SYNGR3: variants seen among roughly 807,000 people sequenced by gnomAD.
SYNGR3 encodes synaptogyrin-3.
Under a neutral mutation model 18.5 loss-of-function variants are expected in SYNGR3, and 10 were observed. That is an observed-to-expected ratio of 0.54 (90% CI 0.33 to 0.92). SYNGR3 has a LOEUF of 0.92. Among genes scored for constraint, SYNGR3 ranks in the 40% least tolerant of loss-of-function variants. The pLI is 0.02. For synonymous variants in SYNGR3, 188 were observed against 157.2 expected (o/e 1.20, Z -1.47); for missense variants, 335 against 332.8 (o/e 1.01, Z -0.05).
intron 1 of SYNGR3, 186 bp downstream of exon 1, chr16:1,990,387 A>C: frequency 3.8e-5 from 14 of 364,148 alleles, no homozygotes; most frequent in Middle Eastern, 6.0e-4. Flanking sequence ...GGGCGCGCCC[A>C]CCTGCGGGCG....
intron 2 of SYNGR3, 175 bp from the exon 3 acceptor site, chr16:1,992,461 C>G (rs1289741632): frequency 1.0e-6 from 1 of 969,382 alleles, no homozygotes; most frequent in African/African-American, 1.8e-5. Context: ...CGGAACGGGT[C>G]TGGCGCTCCC....
chr16:1,992,854 C>A lies in SYNGR3; in HGVS notation c.481-9C>A, dbSNP rs1187520188. ...TCCCGGCTGACCCCGCTGACCCCGC[C>A]CCGCGCAGGTGGCGCTCACCGTGAA... On this transcript the variant is annotated splice_polypyrimidine_tract_variant and intron_variant, in intron 3 of 3. Transcript: ENST00000248121. The A allele has an allele frequency of 1.3e-6, 2 of 1,547,484 alleles. No homozygotes were observed.
In SYNGR3 at chr16:1,992,034, G is replaced by C. The variant is rs766940293; in HGVS notation, c.160G>C (p.Gly54Arg). 3 of 1,583,616 alleles carry C rather than the reference G, an allele frequency of 1.9e-6. No individual in the cohort carries two copies. The highest frequency in any genetic ancestry group is 2.6e-6 in the Non-Finnish European group (3 of 1,166,902). Residue 54 changes from glycine (G) to arginine (R), a missense_variant, in exon 2 of 4, where the codon GGC becomes CGC. Transcript: ENST00000248121. ...VNEGYVNTDS[G>R]PELRCVFNGN... ...CGAGGGCTACGTGAACACCGACAGC[G>C]GCCCCGAGCTGCGCTGCGTGTTCAA...
Position 1,993,018 on chromosome 16 carries a change from CT to C in SYNGR3, c.638del (p.Phe213SerfsTer88). 1 of 1,612,146 alleles carries C rather than the reference CT, an allele frequency of 6.2e-7. No homozygotes were observed. Among genetic ancestry groups the C allele is most frequent in the Non-Finnish European group, 8.5e-7 (1 of 1,179,772 alleles). ...EGTETYQSPPFTETLDTSPKG... is the reference protein window; with the variant it reads ...EGTETYQSPPXTETLDTSPKG... ...GCACCGAGACCTACCAGAGCCCGCC[CT>C]TCACCGAGACCCTGGACACCAGCCC... is the stretch of plus-strand genomic sequence containing the variant. On this transcript the variant is annotated frameshift_variant, in exon 4 of 4. Coordinates refer to ENST00000248121, the MANE Select transcript of SYNGR3 (RefSeq NM_004209.6). LOFTEE classifies it high-confidence loss of function.
Position 1,992,724 on chromosome 16 carries a change from G to A in SYNGR3, c.426G>A (p.Ala142=). ...CGCCAGGGCCGGCCACGACGCAGGC[G>A]GGGGACGCGGCGCGGGCCGCCATCG... is the stretch of plus-strand genomic sequence containing the variant. ...RTAPGPATTQ[A]GDAARAAIAF... Residue 142 remains alanine (A), a synonymous_variant, in exon 3 of 4, where the codon GCG becomes GCA. Coordinates refer to ENST00000248121, the MANE Select transcript of SYNGR3 (RefSeq NM_004209.6). 6.3e-7 allele frequency: 1 copy of A among 1,591,966 alleles called. No homozygotes were observed. The highest frequency in any genetic ancestry group is 2.3e-5 in the East Asian group (1 of 43,610).
Position 1,994,134 on chromosome 16 carries a change from G to A in SYNGR3, c.*1062G>A, listed in dbSNP as rs2083619227. ...ATTGTAGCCTAGACCAATTCTGTGT[G>A]GATATTTAAGTGAACATGTTTACAA... On this transcript the variant is annotated 3_prime_UTR_variant, in exon 4 of 4. Transcript: ENST00000248121. 2 of 154,840 alleles carry A rather than the reference G, an allele frequency of 1.3e-5. No individual in the cohort carries two copies. The allele number at this position is 154,840 out of a possible 1,614,324, so 9.6% of individuals were successfully genotyped here.
At chr16:1,991,863 C>A (rs1024535429) in intron 1 of SYNGR3, 111 bp from the exon 2 acceptor site, 9 of 896,976 alleles carry the variant, frequency 1.0e-5, no homozygotes, top group East Asian at 3.0e-5. Flanking sequence ...CACCGCCCCC[C>A]ACCCAGATAC....
At position 1,993,212 on chromosome 16, in the gene SYNGR3, G is replaced by T. The variant is rs1429885638; in HGVS notation, c.*140G>T. The T allele has an allele frequency of 1.8e-6, 2 of 1,104,780 alleles. No homozygotes were observed. Among genetic ancestry groups the T allele is most frequent in the East Asian group, 2.6e-5 (1 of 38,650 alleles). 68.4% of individuals were successfully genotyped at this position (1,104,780 alleles called of 1,614,324 possible). A position where few individuals can be genotyped will look rare whatever the true frequency, so the allele number is the denominator to read the frequency against. On this transcript the variant is annotated 3_prime_UTR_variant, in exon 4 of 4. Coordinates refer to ENST00000248121, the MANE Select transcript of SYNGR3 (RefSeq NM_004209.6). Reference sequence around the variant, plus strand: ...GCTTTGCGCCATCCGGGGCCAAGAGGGGGTGGACCCGCGTGTCTGGGCTGC... The same window carrying T: ...GCTTTGCGCCATCCGGGGCCAAGAGTGGGTGGACCCGCGTGTCTGGGCTGC...
intron 1 of SYNGR3, chr16:1,991,682 T>C: frequency 7.2e-6 from 3 of 417,518 alleles, no homozygotes; most frequent in Non-Finnish European, 8.6e-6. Context: ...CCCGCATTTA[T>C]AAAGAGAATA....
At position 1,993,603 on chromosome 16, in the gene SYNGR3, C is replaced by T; in HGVS notation, c.*531C>T. ...TTCTCTCACAGGCTGCTAGAACAGC[C>T]CAGCCCTGTCAGTGTTGTGATCATG... On this transcript the variant is annotated 3_prime_UTR_variant, in exon 4 of 4. Coordinates refer to ENST00000248121, the MANE Select transcript of SYNGR3 (RefSeq NM_004209.6). 2 of 457,150 alleles carry T rather than the reference C, an allele frequency of 4.4e-6. No individual in the cohort carries two copies. Among genetic ancestry groups the T allele is most frequent in the South Asian group, 3.1e-5 (2 of 64,574 alleles). The allele number at this position is 457,150 out of a possible 1,614,324, so 28.3% of individuals were successfully genotyped here.
In SYNGR3 at chr16:1,993,442, G is replaced by C. The variant is rs781517053; in HGVS notation, c.*370G>C. ...AGGTGCAGGGGCTGCCCAGGACAAAGCGGGGGCAGGGGAAAGACACCACCC... is the reference window on the plus strand; with the variant it reads ...AGGTGCAGGGGCTGCCCAGGACAAACCGGGGGCAGGGGAAAGACACCACCC... On this transcript the variant is annotated 3_prime_UTR_variant, in exon 4 of 4. Coordinates refer to ENST00000248121, the MANE Select transcript of SYNGR3 (RefSeq NM_004209.6). The C allele has an allele frequency of 5.8e-6, 3 of 516,462 alleles. No individual in the cohort carries two copies. In the East Asian group the frequency reaches 1.5e-4, roughly 26 times the overall value. 32.0% of individuals were successfully genotyped at this position (516,462 alleles called of 1,614,324 possible).
At position 1,992,395 on chromosome 16, in the gene SYNGR3, G is replaced by T. The variant is rs1302666173; in HGVS notation, c.337+184G>T. 29 of 686,374 alleles carry T rather than the reference G, an allele frequency of 4.2e-5. 1 individual carries two copies. The East Asian group carries it at 9.6e-4, about 23-fold the overall frequency. The allele number at this position is 686,374 out of a possible 1,614,324, so 42.5% of individuals were successfully genotyped here. A position where few individuals can be genotyped will look rare whatever the true frequency, so the allele number is the denominator to read the frequency against. On this transcript the variant is annotated intron_variant, in intron 2 of 3. Coordinates refer to ENST00000248121, the MANE Select transcript of SYNGR3 (RefSeq NM_004209.6). ...GGGGAGGGGGCGGAGCCTGGACGGG[G>T]AGCGCCGCGGGACTTTCTAGGTAGG...
At position 1,992,056 on chromosome 16, in the gene SYNGR3, TCAACGGGAACG is replaced by T; in HGVS notation, c.184_194del (p.Asn62GlyfsTer242). Reference sequence around the variant, plus strand: ...AGCGGCCCCGAGCTGCGCTGCGTGTTCAACGGGAACGCGGGCGCCTGCCGCTTCGGCGTCGC... The same window carrying T: ...AGCGGCCCCGAGCTGCGCTGCGTGTTCGGGCGCCTGCCGCTTCGGCGTCGC... On this transcript the variant is annotated frameshift_variant, in exon 2 of 4. Transcript: ENST00000248121. LOFTEE classifies it high-confidence loss of function. The T allele has an allele frequency of 6.3e-7, 1 of 1,575,444 alleles. No homozygotes were observed. Among genetic ancestry groups the T allele is most frequent in the Non-Finnish European group, 8.6e-7 (1 of 1,162,516 alleles).
chr16:1,992,568 C>T, intron 2 of SYNGR3, 68 bp from the exon 3 acceptor site: 2 of 1,544,812 alleles, frequency 1.3e-6, no homozygotes, highest in African/African-American at 1.4e-5. Flanking sequence ...CCGACCTTTC[C>T]TCCTCCGGGC....
chr16:1,993,160 T>A lies in SYNGR3; in HGVS notation c.*88T>A, dbSNP rs2150899511. 1.4e-6 allele frequency: 2 copies of A among 1,473,906 alleles called. No individual in the cohort carries two copies. Among genetic ancestry groups the A allele is most frequent in the East Asian group, 5.0e-5 (2 of 40,398 alleles). 91.3% of individuals were successfully genotyped at this position (1,473,906 alleles called of 1,614,324 possible). A position where few individuals can be genotyped will look rare whatever the true frequency, so the allele number is the denominator to read the frequency against. ...GGGACCTCCCTTGGGTCCTTCCAGC[T>A]CAGTGCCGCGGACAGAGTAGGTGGC... On this transcript the variant is annotated 3_prime_UTR_variant, in exon 4 of 4. Transcript: ENST00000248121.
rs1161655695 is a variant in SYNGR3 at position 1,990,084 on chromosome 16, C to A, written c.-19C>A. On this transcript the variant is annotated 5_prime_UTR_variant, in exon 1 of 4. Transcript: ENST00000248121. ...GCGGACAGAAGGCGCCAGGGGCGCGCGTCCCGCCCGGGCCGGCCATGGAGG... is the reference window on the plus strand; with the variant it reads ...GCGGACAGAAGGCGCCAGGGGCGCGAGTCCCGCCCGGGCCGGCCATGGAGG... The A allele has an allele frequency of 9.5e-6, 11 of 1,162,382 alleles. No individual in the cohort carries two copies. In the South Asian group the frequency reaches 3.4e-4, roughly 36 times the overall value. 72.0% of individuals were successfully genotyped at this position (1,162,382 alleles called of 1,614,324 possible).
At position 1,994,263 on chromosome 16, in the gene SYNGR3, G is replaced by A. The variant is rs536949095; in HGVS notation, c.*1191G>A. 1 of 153,834 alleles carries A rather than the reference G, an allele frequency of 6.5e-6. No homozygotes were observed. Among genetic ancestry groups the A allele is most frequent in the East Asian group, 1.9e-4 (1 of 5,184 alleles). 9.5% of individuals were successfully genotyped at this position (153,834 alleles called of 1,614,324 possible). ...CTTCTTTACAATAAAGACTGTAACT[G>A]AGCTGACTGTGACCTGGACGCTCCT... On this transcript the variant is annotated 3_prime_UTR_variant, in exon 4 of 4. Transcript: ENST00000248121.
chr16:1,992,511 C>T, intron 2 of SYNGR3, 125 bp from the exon 3 acceptor site: 8 of 1,299,738 alleles, frequency 6.2e-6, no homozygotes, highest in Non-Finnish European at 8.0e-6. Flanking sequence ...GGCGGGACCT[C>T]GCGCCACGCG....
Position 1,990,076 on chromosome 16 carries a change from GGGGCGCGCGTCCCGCCC to G in SYNGR3, c.-22_-6del, listed in dbSNP as rs1346367354. The G allele has an allele frequency of 4.4e-6, 5 of 1,129,228 alleles. No individual in the cohort carries two copies. The highest frequency in any genetic ancestry group is 5.5e-6 in the Non-Finnish European group (5 of 905,646). 70.0% of individuals were successfully genotyped at this position (1,129,228 alleles called of 1,614,324 possible). A position where few individuals can be genotyped will look rare whatever the true frequency, so the allele number is the denominator to read the frequency against. ...ACGGACAGGCGGACAGAAGGCGCCA[GGGGCGCGCGTCCCGCCC>G]GGGCCGGCCATGGAGGGCGCCTCCT... On this transcript the variant is annotated 5_prime_UTR_variant, in exon 1 of 4. Coordinates refer to ENST00000248121, the MANE Select transcript of SYNGR3 (RefSeq NM_004209.6).
Sources: allele counts gnomAD v4.1 joint callset, GRCh38; gene constraint gnomAD v4.1.1; transcripts MANE v1.5; gene names NCBI Gene and HGNC (gene_info 2026-07-23, HGNC 2026-07-21).